Variants in DAB1 observed in about 807,000 individuals in gnomAD.
DAB1 encodes DAB adaptor protein 1, also known as disabled homolog 1.
DAB1 carries 15 observed loss-of-function variants against 64.6 expected under a neutral mutation model. That is an observed-to-expected ratio of 0.23 (90% CI 0.16 to 0.36). The LOEUF is 0.36. DAB1 is among the 10% of genes least tolerant of loss of function. The pLI is 1.00. For synonymous variants in DAB1, 235 were observed against 251.9 expected (o/e 0.93, Z 0.64); for missense variants, 596 against 706.7 (o/e 0.84, Z 1.78).
intron 7 of DAB1, among the ~76,000 whole-genome samples, chr1:57,613,464 C>G (rs1453618408): frequency 6.6e-6 from 1 of 152,058 alleles, no homozygotes; most frequent in Non-Finnish European, 1.5e-5. Context: ...AAGCTGTTTC[C>G]CATAGTGTAG....
At chr1:57,620,784 T>C (rs4912270) in intron 7 of DAB1, among the ~76,000 whole-genome samples, 113,800 of 152,156 alleles carry the variant, frequency 0.75, 45,604 homozygotes, top group Non-Finnish European at 0.88. Flanking sequence ...AGCTGCAGTG[T>C]CACAGGCTCT....
chr1:58,069,735 C>T (rs1035903763), intron 5 of DAB1, among the ~76,000 whole-genome samples: 4 of 152,132 alleles, frequency 2.6e-5, no homozygotes, highest in Non-Finnish European at 4.4e-5. Context: ...GATCTCTCCA[C>T]GAACCCAATG....
chr1:58,426,737 T>C (rs913601756), intron 3 of DAB1, among the ~76,000 whole-genome samples: 10 of 152,280 alleles, frequency 6.6e-5, no homozygotes, highest in African/African-American at 2.4e-4. Context: ...TGAATGCATA[T>C]TATCTTCCAG....
intron 7 of DAB1, among the ~76,000 whole-genome samples, chr1:57,504,313 G>A (rs932058655): frequency 2.0e-5 from 3 of 152,112 alleles, no homozygotes; most frequent in African/African-American, 7.2e-5. Context: ...CACAAGATAA[G>A]CCTGGGGCAT....
chr1:58,452,818 A>G (rs706452), intron 3 of DAB1, among the ~76,000 whole-genome samples: 121,514 of 151,250 alleles, frequency 0.8, 50,192 homozygotes, highest in African/African-American at 0.92. Flanking sequence ...ACAGAGAGAG[A>G]CTCCATCTCA....
At chr1:58,373,635 G>T (rs192960785) in intron 3 of DAB1, among the ~76,000 whole-genome samples, 1 of 152,028 alleles carries the variant, frequency 6.6e-6, no homozygotes, top group African/African-American at 2.4e-5. Flanking sequence ...ATAAACATAC[G>T]TCTTTATAGC....
intron 6 of DAB1, among the ~76,000 whole-genome samples, chr1:57,731,958 C>T (rs898634359): frequency 6.6e-6 from 1 of 152,076 alleles, no homozygotes; most frequent in South Asian, 2.1e-4. Context: ...AGCAAGGGAC[C>T]AACTGCATTT....
At chr1:57,404,667 T>A (rs1220133435) in intron 1 of DAB1, among the ~76,000 whole-genome samples, 2 of 152,058 alleles carry the variant, frequency 1.3e-5, no homozygotes, top group Non-Finnish European at 2.9e-5. Flanking sequence ...GAAAGAAAAA[T>A]TCATTACACT....
At chr1:58,460,174 A>AAAGCCACCAC (rs1645229525) in intron 3 of DAB1, among the ~76,000 whole-genome samples, 1 of 152,100 alleles carries the variant, frequency 6.6e-6, no homozygotes, top group South Asian at 2.1e-4. Context: ...TTGAAGCACA[A>AAAGCCACCAC]AGTCTAGGCA....
At chr1:58,148,004 T>C (rs61779200) in intron 5 of DAB1, among the ~76,000 whole-genome samples, 52 of 133,162 alleles carry the variant, frequency 3.9e-4, no homozygotes, top group Non-Finnish European at 7.4e-4. Flanking sequence ...AAAAAAGCAA[T>C]CTAAAGTGCC....
chr1:57,253,450 A>C (rs1432175696), intron 2 of DAB1, among the ~76,000 whole-genome samples: 1 of 152,142 alleles, frequency 6.6e-6, no homozygotes, highest in Admixed American at 6.5e-5. Context: ...AGTATGATGA[A>C]CCAACCCTCC....
chr1:58,352,921 C>A (rs1644072305), intron 3 of DAB1, among the ~76,000 whole-genome samples: 1 of 152,140 alleles, frequency 6.6e-6, no homozygotes, highest in Non-Finnish European at 1.5e-5. Flanking sequence ...GACATTGAAT[C>A]TGCTGGTGCC....
intron 1 of DAB1, among the ~76,000 whole-genome samples, chr1:57,847,719 A>G (rs187600699): frequency 6.6e-6 from 1 of 152,330 alleles, no homozygotes; most frequent in East Asian, 1.9e-4. Context: ...GTCAAAATAT[A>G]TAAAGAAAAA....
intron 2 of DAB1, among the ~76,000 whole-genome samples, chr1:58,522,377 T>G (rs1179956518): frequency 6.6e-6 from 1 of 152,122 alleles, no homozygotes; most frequent in African/African-American, 2.4e-5. Context: ...TATACATAAT[T>G]TTTTTAAATC....
chr1:57,949,511 A>C lies in DAB1; in HGVS notation n.388-65349T>G, dbSNP rs34714798. 6.7e-3 allele frequency among the ~76,000 whole-genome samples: 915 copies of C among 137,086 alleles called. 3 individuals are homozygous for C. Among genetic ancestry groups the C allele is most frequent in the Admixed American group, 9.9e-3 (129 of 12,970 alleles). The allele number at this position is 137,086 out of a possible 152,430, so 89.9% of individuals were successfully genotyped here. Reference sequence around the variant, plus strand: ...TCTATCTATCTATCTATCTATCTATATCTGTCTGTCTGTCTGTCTGTCTAT... The same window carrying C: ...TCTATCTATCTATCTATCTATCTATCTCTGTCTGTCTGTCTGTCTGTCTAT... On this transcript the variant is annotated intron_variant and non_coding_transcript_variant, in intron 5 of 20. Coordinates refer to the DAB1 transcript ENST00000485760.
chr1:58,017,098 G>A (rs1646751488), intron 5 of DAB1, among the ~76,000 whole-genome samples: 1 of 151,986 alleles, frequency 6.6e-6, no homozygotes, highest in Non-Finnish European at 1.5e-5. Flanking sequence ...TCACATGAAA[G>A]CCCAGGTTCT....
intron 2 of DAB1, among the ~76,000 whole-genome samples, chr1:57,253,307 C>A (rs973608155): frequency 3.9e-5 from 6 of 152,210 alleles, no homozygotes; most frequent in African/African-American, 1.4e-4. Flanking sequence ...TCAAGTAGGA[C>A]TCCAGGTATA....
intron 5 of DAB1, among the ~76,000 whole-genome samples, chr1:58,082,423 T>TA (rs59730337): frequency 0.035 from 3,098 of 88,438 alleles, 35 homozygotes; most frequent in Middle Eastern, 0.068. Flanking sequence ...AAAACTTAAA[T>TA]AAAAAAAAAA....
chr1:57,027,556 C>T (rs1228298634), intron 9 of DAB1, among the ~76,000 whole-genome samples: 1 of 152,210 alleles, frequency 6.6e-6, no homozygotes, highest in African/African-American at 2.4e-5. Context: ...AGCTACCCCC[C>T]AACAGGGGGT....
Sources: gnomAD v4.1 joint callset for allele counts (sites outside exome capture counted in the v4.1 genomes callset) on GRCh38, gnomAD v4.1.1 for gene constraint, MANE v1.5 for transcripts, NCBI Gene and HGNC (gene_info 2026-07-23, HGNC 2026-07-21) for gene names.